RASSF8: variants seen among roughly 807,000 people sequenced by gnomAD.
RASSF8 encodes Ras association domain family member 8, also known as ras association domain-containing protein 8.
Under a neutral mutation model 48.5 loss-of-function variants are expected in RASSF8, and 22 were observed. That is an observed-to-expected ratio of 0.45 (90% CI 0.32 to 0.65). The LOEUF is 0.65. RASSF8 is among the 30% of genes least tolerant of loss of function. The probability of loss-of-function intolerance (pLI) is 0.03; values close to 1 mark genes in which losing one functional copy is unlikely to be tolerated. For synonymous variants in RASSF8, 127 were observed against 171.5 expected, an observed-to-expected ratio of 0.74 and a Z score of 2.03; for missense variants, 418 against 489.2, an observed-to-expected ratio of 0.85 and a Z score of 1.37.
intron 2 of RASSF8, among the ~76,000 whole-genome samples, chr12:26,052,285 C>G (rs1943507853): frequency 6.6e-6 from 1 of 152,068 alleles, no homozygotes; most frequent in Non-Finnish European, 1.5e-5. Flanking sequence ...AATATGTTTC[C>G]ACAAATGCAA....
chr12:26,062,908 G>A (rs1012775307), intron 3 of RASSF8, among the ~76,000 whole-genome samples: 4 of 152,248 alleles, frequency 2.6e-5, no homozygotes, highest in South Asian at 2.1e-4. Flanking sequence ...AGTAACTCAC[G>A]TAGGATTGTT....
At chr12:26,008,758 G>A (rs1026139467) in intron 2 of RASSF8, among the ~76,000 whole-genome samples, 11 of 152,172 alleles carry the variant, frequency 7.2e-5, no homozygotes, top group African/African-American at 1.9e-4. Context: ...GCAAGCATCT[G>A]CATAGAATCT....
At chr12:25,974,435 G>A (rs1396274218) in intron 1 of RASSF8, among the ~76,000 whole-genome samples, 1 of 151,984 alleles carries the variant, frequency 6.6e-6, no homozygotes, top group African/African-American at 2.4e-5. Flanking sequence ...ACAAGGGATG[G>A]CTAGGTTTTT....
intron 2 of RASSF8, among the ~76,000 whole-genome samples, chr12:26,054,728 G>A (rs1299242809): frequency 6.6e-6 from 1 of 150,864 alleles, no homozygotes; most frequent in Non-Finnish European, 1.5e-5. Context: ...CAGACAGGTA[G>A]CAGTTTTTTT....
chr12:26,035,430 T>C (rs940035404), intron 2 of RASSF8, among the ~76,000 whole-genome samples: 2 of 35,788 alleles, frequency 5.6e-5, no homozygotes, highest in African/African-American at 9.3e-5. Flanking sequence ...TATGAAATTA[T>C]ATAATTATAT....
intron 2 of RASSF8, among the ~76,000 whole-genome samples, chr12:26,035,757 A>T (rs539846563): frequency 4.2e-4 from 61 of 145,048 alleles, no homozygotes; most frequent in African/African-American, 1.5e-3. Flanking sequence ...CATATAATAC[A>T]TATATCACTA....
chr12:26,046,957 A>G (rs1485621369), intron 2 of RASSF8, among the ~76,000 whole-genome samples: 3 of 152,226 alleles, frequency 2.0e-5, no homozygotes, highest in Non-Finnish European at 2.9e-5. Flanking sequence ...GAAATAGCAC[A>G]TGTAGTAGAA....
intron 2 of RASSF8, among the ~76,000 whole-genome samples, chr12:26,031,385 C>G (rs1943027462): frequency 6.6e-6 from 1 of 152,094 alleles, no homozygotes; most frequent in Admixed American, 6.5e-5. Flanking sequence ...CATCGTTACA[C>G]GTGAGACCCA....
chr12:26,037,014 A>T lies in RASSF8; in HGVS notation c.-108-18222A>T, dbSNP rs556689029. On this transcript the variant is annotated intron_variant, in intron 2 of 5. Coordinates refer to ENST00000689635, the MANE Select transcript of RASSF8 (RefSeq NM_001394098.1). ...TTGGTGTTTTCCTTTTATATCTCAG[A>T]GTTTATCTAATTTTACTATTAACAG... Among the ~76,000 whole-genome samples, 26 of 152,220 alleles carry T rather than the reference A, an allele frequency of 1.7e-4. No homozygotes were observed. In the East Asian group the frequency reaches 4.6e-3, roughly 27 times the overall value.
chr12:25,972,635 A>T (rs573816698), intron 1 of RASSF8, among the ~76,000 whole-genome samples: 1 of 152,218 alleles, frequency 6.6e-6, no homozygotes, highest in South Asian at 2.1e-4. Context: ...ACAAGATTGT[A>T]CACAGAAGGT....
chr12:26,014,519 C>A (rs552169765), intron 2 of RASSF8, among the ~76,000 whole-genome samples: 4 of 152,180 alleles, frequency 2.6e-5, no homozygotes, highest in Admixed American at 2.6e-4. Context: ...GACAGTTGCA[C>A]TTAATACAGG....
Position 26,064,628 on chromosome 12 carries a change from A to T in RASSF8, c.234A>T (p.Arg78=). Residue 78 remains arginine (R), a synonymous_variant, in exon 4 of 6, where the codon CGA becomes CGT. Coordinates refer to ENST00000689635, the MANE Select transcript of RASSF8 (RefSeq NM_001394098.1). ...CTAGTGATGTGCAGCTCATTCTACG[A>T]CGAACTGGGCCGTCTCTCAGTGAGC... ...QYASDVQLIL[R]RTGPSLSERP... The T allele has an allele frequency of 6.2e-7, 1 of 1,614,180 alleles. No homozygotes were observed. The highest frequency in any genetic ancestry group is 1.1e-5 in the South Asian group (1 of 91,080).
intron 2 of RASSF8, among the ~76,000 whole-genome samples, chr12:26,014,135 G>A (rs781535236): frequency 1.3e-5 from 2 of 152,160 alleles, no homozygotes; most frequent in Non-Finnish European, 2.9e-5. Context: ...CCTTGTGCCC[G>A]GTGACTTGCC....
chr12:26,069,871 G>A lies in RASSF8; in HGVS notation c.*1053G>A. The stretch of plus-strand genomic sequence containing the variant: ...TTCTTCCAGTCACTTAGATGGAAAG[G>A]AGGTTAAACCTAGGTACTTTTTAGC... On this transcript the variant is annotated 3_prime_UTR_variant, in exon 6 of 6. Coordinates refer to ENST00000689635, the MANE Select transcript of RASSF8 (RefSeq NM_001394098.1). 1 of 984,448 alleles carries A rather than the reference G, an allele frequency of 1.0e-6. No individual in the cohort carries two copies. The highest frequency in any genetic ancestry group is 1.2e-6 in the Non-Finnish European group (1 of 829,048). The allele number at this position is 984,448 out of a possible 1,614,324, so 61.0% of individuals were successfully genotyped here.
At chr12:26,032,718 C>T (rs1382943632) in intron 2 of RASSF8, among the ~76,000 whole-genome samples, 2 of 152,124 alleles carry the variant, frequency 1.3e-5, no homozygotes, top group African/African-American at 4.8e-5. Flanking sequence ...TGCCCAGTTT[C>T]CATACCCATC....
intron 2 of RASSF8, among the ~76,000 whole-genome samples, chr12:26,032,771 A>G (rs1209786501): frequency 6.6e-6 from 1 of 152,242 alleles, no homozygotes; most frequent in Non-Finnish European, 1.5e-5. Context: ...ATATGAGCTG[A>G]GAAATTCTGT....
At chr12:25,991,697 G>T (rs1942018507) in intron 1 of RASSF8, among the ~76,000 whole-genome samples, 1 of 152,122 alleles carries the variant, frequency 6.6e-6, no homozygotes, top group Non-Finnish European at 1.5e-5. Flanking sequence ...CTTATATCAG[G>T]ACAAGTGATC....
chr12:25,968,814 G>T (rs956688003), intron 1 of RASSF8, among the ~76,000 whole-genome samples: 6 of 152,242 alleles, frequency 3.9e-5, no homozygotes, highest in African/African-American at 1.4e-4. Flanking sequence ...TTTATTTGGT[G>T]ATAAATGCTT....
chr12:26,011,110 C>G (rs963888527), intron 2 of RASSF8, among the ~76,000 whole-genome samples: 1 of 152,182 alleles, frequency 6.6e-6, no homozygotes, highest in African/African-American at 2.4e-5. Flanking sequence ...ACATTAGAAA[C>G]CACAGGAACC....
Sources: gnomAD v4.1 joint callset for allele counts (sites outside exome capture counted in the v4.1 genomes callset) on GRCh38, gnomAD v4.1.1 for gene constraint, MANE v1.5 for transcripts, NCBI Gene and HGNC (gene_info 2026-07-23, HGNC 2026-07-21) for gene names.